LRP1B: variants seen among roughly 807,000 people sequenced by gnomAD.
LRP1B encodes the protein low-density lipoprotein receptor-related protein 1B.
In LRP1B, 217 loss-of-function variants were observed where a neutral mutation model predicts 556.6. The ratio of observed to expected loss-of-function variants is 0.39; its 90% CI spans 0.35 to 0.44. The LOEUF (loss-of-function observed/expected upper bound fraction) is 0.44. Among genes scored for constraint, LRP1B ranks in the 20% least tolerant of loss-of-function variants. The pLI is 1.00. For synonymous variants in LRP1B, 2,047 were observed against 1,865.8 expected (o/e 1.10, Z -2.50); for missense variants, 5,053 against 5,620.8 (o/e 0.90, Z 3.23).
chr2:141,193,308 A>G (rs1486923119), intron 6 of LRP1B, among the ~76,000 whole-genome samples: 1 of 152,024 alleles, frequency 6.6e-6, no homozygotes, highest in Non-Finnish European at 1.5e-5. Context: ...CACTATAAGC[A>G]CCATTCACAA....
chr2:140,581,720 A>G (rs1681770058), intron 43 of LRP1B, among the ~76,000 whole-genome samples: 1 of 152,066 alleles, frequency 6.6e-6, no homozygotes, highest in East Asian at 1.9e-4. Context: ...ACCAAATGTT[A>G]GCCTGAATTA....
chr2:141,341,970 C>T (rs577721583), intron 3 of LRP1B, among the ~76,000 whole-genome samples: 35 of 152,002 alleles, frequency 2.3e-4, no homozygotes, highest in Non-Finnish European at 4.6e-4. Flanking sequence ...GGCGGCCGGG[C>T]GCAGTAGCTC....
chr2:140,506,721 G>GT (rs148796263), intron 53 of LRP1B, 75 bp downstream of exon 53: 21,701 of 1,506,402 alleles, frequency 0.014, 802 homozygotes, highest in African/African-American at 0.14. Flanking sequence ...TGTTGCTTTA[G>GT]TTTTTTATTT....
chr2:141,472,136 G>A (rs1278545876), intron 3 of LRP1B, among the ~76,000 whole-genome samples: 1 of 152,158 alleles, frequency 6.6e-6, no homozygotes, highest in Non-Finnish European at 1.5e-5. Flanking sequence ...TTGCACCAAG[G>A]GGTAAATCTC....
intron 2 of LRP1B, among the ~76,000 whole-genome samples, chr2:141,753,260 C>A (rs1694185399): frequency 9.8e-5 from 3 of 30,714 alleles, no homozygotes; most frequent in African/African-American, 2.4e-4. Flanking sequence ...CTCTCTCTCT[C>A]TCCATATATA....
At chr2:141,603,584 T>A (rs1035512034) in intron 2 of LRP1B, among the ~76,000 whole-genome samples, 5 of 152,184 alleles carry the variant, frequency 3.3e-5, no homozygotes, top group African/African-American at 9.7e-5. Flanking sequence ...CTGATATATT[T>A]AGTAGCTAAT....
intron 51 of LRP1B, among the ~76,000 whole-genome samples, chr2:140,511,364 C>G (rs180945419): frequency 3.1e-5 from 4 of 129,692 alleles, no homozygotes; most frequent in Admixed American, 9.8e-5. Flanking sequence ...TGCGGTGGCG[C>G]GGTCTCGGCT....
chr2:141,301,340 A>T (rs993516), intron 3 of LRP1B, among the ~76,000 whole-genome samples: 2,344 of 152,254 alleles, frequency 0.015, 55 homozygotes, highest in African/African-American at 0.053. Flanking sequence ...GGCTATGGTA[A>T]TACAGTGAAT....
intron 1 of LRP1B, among the ~76,000 whole-genome samples, chr2:141,899,834 T>C (rs1699562658): frequency 6.6e-6 from 1 of 152,104 alleles, no homozygotes; most frequent in Non-Finnish European, 1.5e-5. Context: ...TTTGCCCTAA[T>C]ACACTGTTGT....
rs1449644294 is a variant in LRP1B at position 140,601,495 on chromosome 2, G to A, written c.6944C>T (p.Ser2315Leu). 1 of 1,612,924 alleles carries A rather than the reference G, an allele frequency of 6.2e-7. No individual in the cohort carries two copies. The highest frequency in any genetic ancestry group is 1.1e-5 in the South Asian group (1 of 91,022). The change falls in exon 42 of 91, where the codon TCA becomes TTA. Residue 2315 changes from serine to leucine, a missense_variant. Coordinates refer to ENST00000389484, the MANE Select transcript of LRP1B (RefSeq NM_018557.3). The part of the protein sequence containing the change: ...AFDREAVITM[S>L]EDDHPHVLAL... ...TAGCACATGTGGATGGTCATCTTCT[G>A]ACATGGTGATGACAGCTTCCCTGTC...
chr2:140,289,853 C>T lies in LRP1B; in HGVS notation c.12967+7955G>A, dbSNP rs189403482. Among the ~76,000 whole-genome samples, 15 of 152,046 alleles carry T rather than the reference C, an allele frequency of 9.9e-5. No individual in the cohort carries two copies. In the East Asian group the frequency reaches 2.9e-3, roughly 29 times the overall value. ...TGATTAAAATCTAATTTTATTTTTACACTTTTTTCCTTTAATCTTTGAAAC... is the reference window on the plus strand; with the variant it reads ...TGATTAAAATCTAATTTTATTTTTATACTTTTTTCCTTTAATCTTTGAAAC... On this transcript the variant is annotated intron_variant, in intron 84 of 90. Transcript: ENST00000389484.
At position 140,752,933 on chromosome 2, in the gene LRP1B, T is replaced by C. The variant is rs537916881; in HGVS notation, c.5758+16280A>G. On this transcript the variant is annotated intron_variant, in intron 35 of 90. Coordinates refer to ENST00000389484, the MANE Select transcript of LRP1B (RefSeq NM_018557.3). The stretch of plus-strand genomic sequence containing the variant: ...TAGGGTTCACTCTTGGTGTTGTACA[T>C]TCTTTGTGTTTTGACAAATGTATAA... 2.6e-5 allele frequency among the ~76,000 whole-genome samples: 4 copies of C among 152,290 alleles called. No homozygotes were observed. In the South Asian group the frequency reaches 8.3e-4, roughly 32 times the overall value.
intron 1 of LRP1B, among the ~76,000 whole-genome samples, chr2:142,025,435 A>AG (rs1039756086): frequency 6.6e-5 from 10 of 152,178 alleles, no homozygotes; most frequent in African/African-American, 1.9e-4. Context: ...TTTAGAAATA[A>AG]GGAGACTAAG....
At chr2:141,488,251 T>C (rs1251236671) in intron 2 of LRP1B, among the ~76,000 whole-genome samples, 16 of 152,284 alleles carry the variant, frequency 1.1e-4, no homozygotes, top group South Asian at 2.1e-4. Context: ...TGATTCCTAG[T>C]TGATATAAAA....
chr2:141,475,669 T>C (rs929489630), intron 3 of LRP1B, among the ~76,000 whole-genome samples: 1 of 151,692 alleles, frequency 6.6e-6, no homozygotes, highest in Admixed American at 6.6e-5. Flanking sequence ...AAGAGAAGAA[T>C]AAAAATGCAG....
intron 84 of LRP1B, among the ~76,000 whole-genome samples, chr2:140,283,087 T>C (rs1457936128): frequency 6.6e-6 from 1 of 151,802 alleles, no homozygotes; most frequent in Non-Finnish European, 1.5e-5. Flanking sequence ...TAGAGATACA[T>C]AGCAGATGAG....
chr2:141,379,834 C>G (rs895440089), intron 3 of LRP1B, among the ~76,000 whole-genome samples: 1 of 152,028 alleles, frequency 6.6e-6, no homozygotes, highest in Admixed American at 6.6e-5. Context: ...ACAGAATGAG[C>G]AAGCAATAAA....
intron 1 of LRP1B, among the ~76,000 whole-genome samples, chr2:141,998,083 A>G (rs1219720050): frequency 6.6e-6 from 1 of 152,170 alleles, no homozygotes; most frequent in Non-Finnish European, 1.5e-5. Flanking sequence ...TGCACTGTAA[A>G]AGCACTACAT....
intron 2 of LRP1B, among the ~76,000 whole-genome samples, chr2:141,656,922 T>C (rs996712538): frequency 6.6e-6 from 1 of 152,078 alleles, no homozygotes; most frequent in African/African-American, 2.4e-5. Flanking sequence ...GCAAATACAA[T>C]TTAGCACGAG....
Sources: allele counts gnomAD v4.1 joint callset (sites outside exome capture counted in the v4.1 genomes callset), GRCh38; gene constraint gnomAD v4.1.1; transcripts MANE v1.5; gene names NCBI Gene and HGNC (gene_info 2026-07-23, HGNC 2026-07-21).